ZNF410: variants seen among roughly 807,000 people sequenced by gnomAD.
ZNF410 encodes another partner for ARF 1.
ZNF410 carries 18 observed loss-of-function variants against 54.8 expected under a neutral mutation model. The ratio of observed to expected loss-of-function variants is 0.33; its 90% CI spans 0.23 to 0.49. ZNF410 has a LOEUF of 0.49. Ranked by LOEUF, ZNF410 falls within the 20% of genes least tolerant of loss-of-function variation. The pLI is 0.99. For synonymous variants in ZNF410, 191 were observed against 207.3 expected, an observed-to-expected ratio of 0.92 and a Z score of 0.68; for missense variants, 405 against 569.6, an observed-to-expected ratio of 0.71 and a Z score of 2.94.
At chr14:73,927,494 C>T (rs577372853) in intron 11 of ZNF410, among the ~76,000 whole-genome samples, 2 of 152,172 alleles carry the variant, frequency 1.3e-5, no homozygotes, top group Non-Finnish European at 2.9e-5. Context: ...CATTATTATT[C>T]GAGCAAGCCA....
intron 11 of ZNF410, among the ~76,000 whole-genome samples, chr14:73,930,633 TGTCA>T (rs2055897595): frequency 6.6e-6 from 1 of 152,048 alleles, no homozygotes; most frequent in Non-Finnish European, 1.5e-5. Flanking sequence ...AGTCTCAGTC[TGTCA>T]CTCAGGCTGG....
At chr14:73,892,556 TTTTG>T (rs1315312374) in intron 2 of ZNF410, among the ~76,000 whole-genome samples, 4 of 152,010 alleles carry the variant, frequency 2.6e-5, no homozygotes, top group Non-Finnish European at 5.9e-5. Context: ...CTACAAATTC[TTTTG>T]TTTATTTTAT....
At chr14:73,897,657 C>G (rs1348776298) in intron 4 of ZNF410, among the ~76,000 whole-genome samples, 2 of 152,014 alleles carry the variant, frequency 1.3e-5, no homozygotes, top group African/African-American at 2.4e-5. Flanking sequence ...AGGCGAAGGT[C>G]AGGAATAGCT....
intron 5 of ZNF410, among the ~76,000 whole-genome samples, chr14:73,900,414 G>T (rs967165051): frequency 6.9e-6 from 1 of 145,872 alleles, no homozygotes. Context: ...TCAGTCTGTC[G>T]CCCAGGCTGG....
intron 5 of ZNF410, among the ~76,000 whole-genome samples, chr14:73,903,197 C>T (rs1457437432): frequency 3.9e-5 from 6 of 152,244 alleles, no homozygotes; most frequent in Admixed American, 2.0e-4. Flanking sequence ...GGTGCAATCT[C>T]GGCTCACTGC....
At chr14:73,905,769 C>CTTCTTGAT (rs2055471751) in intron 7 of ZNF410, 1 of 151,058 alleles carries the variant, frequency 6.6e-6, no homozygotes, top group Non-Finnish European at 1.5e-5. Flanking sequence ...GCCACTTTGA[C>CTTCTTGAT]TCTTCTTGAT....
rs548593324 is a variant in ZNF410 at position 73,925,675 on chromosome 14, G to A, written c.1398+2153G>A. ...ACTCCTGACCTCAAGTGATCCACCC[G>A]CCTCAGCCTCCCAAAGTGCTGGGAT... On this transcript the variant is annotated intron_variant, in intron 11 of 11. Transcript: ENST00000555044. Among the ~76,000 whole-genome samples, 5 of 152,034 alleles carry A rather than the reference G, an allele frequency of 3.3e-5. No homozygotes were observed. The East Asian group carries it at 5.8e-4, about 18-fold the overall frequency.
intron 11 of ZNF410, chr14:73,924,749 T>C: frequency 2.3e-6 from 1 of 427,074 alleles, no homozygotes; most frequent in South Asian, 1.7e-5. Context: ...CGTTCTCGGC[T>C]CACTGCAACC....
chr14:73,907,326 A>C lies in ZNF410; in HGVS notation c.914-2015A>C, dbSNP rs750683681. Among the ~76,000 whole-genome samples the C allele has an allele frequency of 2.6e-5, 4 of 152,200 alleles. No individual in the cohort carries two copies. The East Asian group carries it at 5.8e-4, about 22-fold the overall frequency. ...TAAAGCTGCAGTTCAGGTCGGGCCC[A>C]GTGGCTCACACCTGTAATCCCAGCA... On this transcript the variant is annotated intron_variant, in intron 7 of 11. Transcript: ENST00000555044.
chr14:73,892,062 G>A lies in ZNF410; in HGVS notation c.-114G>A, dbSNP rs747549608. Reference sequence around the variant, plus strand: ...TTACCCACCTAGTACAACATCTTACGGGAAGAGCATAGTATTTCCTAGAGG... The same window carrying A: ...TTACCCACCTAGTACAACATCTTACAGGAAGAGCATAGTATTTCCTAGAGG... On this transcript the variant is annotated 5_prime_UTR_variant, in exon 2 of 12. Transcript: ENST00000555044. The A allele has an allele frequency of 1.8e-5, 21 of 1,183,366 alleles. No homozygotes were observed. Among genetic ancestry groups the A allele is most frequent in the Non-Finnish European group, 2.3e-5 (18 of 787,872 alleles). The allele number at this position is 1,183,366 out of a possible 1,614,324, so 73.3% of individuals were successfully genotyped here. A position where few individuals can be genotyped will look rare whatever the true frequency, so the allele number is the denominator to read the frequency against.
At chr14:73,911,551 G>C (rs1594757713) in intron 8 of ZNF410, among the ~76,000 whole-genome samples, 1 of 152,212 alleles carries the variant, frequency 6.6e-6, no homozygotes, top group Non-Finnish European at 1.5e-5. Flanking sequence ...GTGGACTTCA[G>C]ATGTGTTTTG....
intron 8 of ZNF410, chr14:73,920,193 T>G (rs1040418997): frequency 2.0e-5 from 3 of 152,164 alleles, no homozygotes; most frequent in African/African-American, 4.8e-5. Flanking sequence ...TCAGCAATGA[T>G]GATTGCTGTA....
chr14:73,900,577 T>C (rs2055390032), intron 5 of ZNF410, among the ~76,000 whole-genome samples: 1 of 152,120 alleles, frequency 6.6e-6, no homozygotes, highest in Non-Finnish European at 1.5e-5. Context: ...TTTCACCGTG[T>C]TGGCCATGGC....
chr14:73,909,800 T>C lies in ZNF410; in HGVS notation c.1003+370T>C, dbSNP rs552743674. ...TCAGAAGAAAGTAAAAAGACTGATATAAGTTGTAGCAGCACCAGTAATATT... is the reference window on the plus strand; with the variant it reads ...TCAGAAGAAAGTAAAAAGACTGATACAAGTTGTAGCAGCACCAGTAATATT... On this transcript the variant is annotated intron_variant, in intron 8 of 11. Transcript: ENST00000555044. Among the ~76,000 whole-genome samples, 10 of 152,184 alleles carry C rather than the reference T, an allele frequency of 6.6e-5. No individual in the cohort carries two copies. In the South Asian group the frequency reaches 1.0e-3, roughly 16 times the overall value.
chr14:73,919,886 GTT>G (rs1158550117), intron 8 of ZNF410, among the ~76,000 whole-genome samples: 27 of 62,032 alleles, frequency 4.4e-4, no homozygotes, highest in African/African-American at 1.4e-3. Context: ...TATTGTATAG[GTT>G]TTTTTTTTTT....
intron 4 of ZNF410, among the ~76,000 whole-genome samples, chr14:73,897,301 G>T (rs1031596521): frequency 6.6e-6 from 1 of 152,074 alleles, no homozygotes. Context: ...CAAGAAGCTT[G>T]ACTTTAAAGG....
intron 8 of ZNF410, among the ~76,000 whole-genome samples, chr14:73,912,255 C>T (rs1357886689): frequency 4.0e-5 from 6 of 151,526 alleles, no homozygotes; most frequent in South Asian, 2.1e-4. Flanking sequence ...CTGCAGCCTC[C>T]GCCTCCTGGG....
chr14:73,898,290 A>C (rs748982836), intron 5 of ZNF410, 28 bp downstream of exon 5: 2 of 1,612,206 alleles, frequency 1.2e-6, no homozygotes, highest in Non-Finnish European at 1.7e-6. Flanking sequence ...TTTCCTTGCC[A>C]CTATTCTGTG....
chr14:73,900,376 A>ATT (rs200858040), intron 5 of ZNF410, among the ~76,000 whole-genome samples: 30 of 141,430 alleles, frequency 2.1e-4, no homozygotes, highest in Middle Eastern at 3.6e-3. Flanking sequence ...ACACATTTTA[A>ATT]TTTTTTTTTT....
Sources: allele counts gnomAD v4.1 joint callset (sites outside exome capture counted in the v4.1 genomes callset), GRCh38; gene constraint gnomAD v4.1.1; transcripts MANE v1.5; gene names NCBI Gene and HGNC (gene_info 2026-07-23, HGNC 2026-07-21).